EIF2AK1: variants seen among roughly 807,000 people sequenced by gnomAD.
The protein encoded by EIF2AK1 is eukaryotic translation initiation factor 2-alpha kinase 1.
Under a neutral mutation model 77.9 loss-of-function variants are expected in EIF2AK1, and 54 were observed. That is an observed-to-expected ratio of 0.69 (90% CI 0.56 to 0.87). The LOEUF (loss-of-function observed/expected upper bound fraction) is 0.87, where lower values mean the gene tolerates loss of function less well. EIF2AK1 is among the 40% of genes least tolerant of loss of function. EIF2AK1 has a pLI of 0.00. For synonymous variants in EIF2AK1, 314 were observed against 290.5 expected, an observed-to-expected ratio of 1.08 and a Z score of -0.82; for missense variants, 810 against 768.6, an observed-to-expected ratio of 1.05 and a Z score of -0.64.
intron 2 of EIF2AK1, among the ~76,000 whole-genome samples, chr7:6,051,875 A>G (rs1484326138): frequency 1.3e-5 from 2 of 152,180 alleles, no homozygotes; most frequent in East Asian, 3.9e-4. Context: ...ACCTTGTTTT[A>G]AACTTCAGTC....
rs913091326 is a variant in EIF2AK1 at position 6,045,944 on chromosome 7, C to A, written c.630+127G>T. 6 of 550,798 alleles carry A rather than the reference C, an allele frequency of 1.1e-5. No individual in the cohort carries two copies. The Admixed American group carries it at 2.4e-4, about 22-fold the overall frequency. 34.1% of individuals were successfully genotyped at this position (550,798 alleles called of 1,614,324 possible). On this transcript the variant is annotated intron_variant, in intron 6 of 14. Coordinates refer to ENST00000199389, the MANE Select transcript of EIF2AK1 (RefSeq NM_014413.4). ...TTTAATTTTGGTACTTTACTATAAC[C>A]CCATTCCTAGTAAACTGGAAATCCA...
chr7:6,039,724 C>T (rs909784812), intron 9 of EIF2AK1, among the ~76,000 whole-genome samples: 1 of 150,970 alleles, frequency 6.6e-6, no homozygotes, highest in Non-Finnish European at 1.5e-5. Flanking sequence ...CACCTGAGGT[C>T]AGGACTTTGA....
In EIF2AK1 at chr7:6,023,652, C is replaced by T. The variant is rs4560; in HGVS notation, c.*1021G>A. ...AGAGGTGGATGAGGTCTTGTGAAAA[C>T]CTGGCTCCTTTTAACACGGCCCTCA... On this transcript the variant is annotated 3_prime_UTR_variant, in exon 15 of 15. Coordinates refer to ENST00000199389, the MANE Select transcript of EIF2AK1 (RefSeq NM_014413.4). The T allele has an allele frequency of 0.4, 646,064 of 1,613,692 alleles. 132,474 individuals are homozygous for T. The highest frequency in any genetic ancestry group is 0.47 in the Middle Eastern group (2,822 of 6,062).
intron 1 of EIF2AK1, among the ~76,000 whole-genome samples, chr7:6,058,751 G>A (rs1362407713): frequency 6.6e-6 from 1 of 152,214 alleles, no homozygotes; most frequent in Non-Finnish European, 1.5e-5. Context: ...GTAAACAAAG[G>A]AGGGAGAGGC....
chr7:6,059,088 G>A lies in EIF2AK1; in HGVS notation c.-5C>T, dbSNP rs760057095. 7.2e-6 allele frequency: 10 copies of A among 1,381,806 alleles called. No homozygotes were observed. Among genetic ancestry groups the A allele is most frequent in the Non-Finnish European group, 8.4e-6 (9 of 1,075,314 alleles). 85.6% of individuals were successfully genotyped at this position (1,381,806 alleles called of 1,614,324 possible). Reference sequence around the variant, plus strand: ...CCCGGAGTTGCCCCCCTGCATCGCCGGCCGCGCGCGGGCCGCAGCCCAGCC... The same window carrying A: ...CCCGGAGTTGCCCCCCTGCATCGCCAGCCGCGCGCGGGCCGCAGCCCAGCC... On this transcript the variant is annotated 5_prime_UTR_variant, in exon 1 of 15. Coordinates refer to ENST00000199389, the MANE Select transcript of EIF2AK1 (RefSeq NM_014413.4).
In EIF2AK1 at chr7:6,047,108, A is replaced by C. The variant is rs150560907; in HGVS notation, c.450-17T>G. ...TCCCTTGATCTGAAAGTTAAATACAAACAATCAATATTAAAACATGAGAGA... is the reference window on the plus strand; with the variant it reads ...TCCCTTGATCTGAAAGTTAAATACACACAATCAATATTAAAACATGAGAGA... On this transcript the variant is annotated splice_polypyrimidine_tract_variant and intron_variant, in intron 4 of 14. Coordinates refer to ENST00000199389, the MANE Select transcript of EIF2AK1 (RefSeq NM_014413.4). 6.3e-7 allele frequency: 1 copy of C among 1,596,070 alleles called. No individual in the cohort carries two copies. Among genetic ancestry groups the C allele is most frequent in the Non-Finnish European group, 8.6e-7 (1 of 1,164,454 alleles).
chr7:6,043,095 A>G, intron 7 of EIF2AK1, 102 bp from the exon 8 acceptor site: 1 of 1,179,504 alleles, frequency 8.5e-7, no homozygotes, highest in African/African-American at 1.5e-5. Flanking sequence ...TGAGACTACA[A>G]GTCTAAAAAT....
Position 6,035,304 on chromosome 7 carries a change from G to A in EIF2AK1, c.1332+2120C>T, listed in dbSNP as rs187793586. 1.9e-5 allele frequency: 16 copies of A among 860,460 alleles called. No homozygotes were observed. Among genetic ancestry groups the A allele is most frequent in the African/African-American group, 3.4e-5 (2 of 58,590 alleles). 53.3% of individuals were successfully genotyped at this position (860,460 alleles called of 1,614,324 possible). On this transcript the variant is annotated intron_variant, in intron 11 of 14. Transcript: ENST00000199389. This position sits in a 1 kb window ranked among gnomAD's most constrained non-coding sequence, Gnocchi z 5.5. ...GGGATAGCCTGAGAAACTACCCAGC[G>A]ATACAGATTTTGAAACACGTCCTTA... is the stretch of plus-strand genomic sequence containing the variant.
intron 2 of EIF2AK1, among the ~76,000 whole-genome samples, chr7:6,050,696 G>A (rs764840412): frequency 2.7e-5 from 4 of 149,036 alleles, no homozygotes; most frequent in East Asian, 4.0e-4. Context: ...TCTGCCTCCC[G>A]GGTTCATGCC....
At position 6,059,162 on chromosome 7, in the gene EIF2AK1, T is replaced by C; in HGVS notation, c.-79A>G. The stretch of plus-strand genomic sequence containing the variant: ...CACTCCGATGCTGCAGCTAGCGCCG[T>C]CCGACCCGGAAGTAACCCCTCACCA... On this transcript the variant is annotated 5_prime_UTR_variant, in exon 1 of 15. Transcript: ENST00000199389. The C allele has an allele frequency of 9.7e-7, 1 of 1,026,738 alleles. No individual in the cohort carries two copies. The highest frequency in any genetic ancestry group is 2.3e-5 in the South Asian group (1 of 42,926). 63.6% of individuals were successfully genotyped at this position (1,026,738 alleles called of 1,614,324 possible).
chr7:6,030,290 TA>T (rs759518832), intron 11 of EIF2AK1, among the ~76,000 whole-genome samples: 1 of 152,140 alleles, frequency 6.6e-6, no homozygotes, highest in Non-Finnish European at 1.5e-5. Context: ...GGGAAGATCG[TA>T]ACCCTGTAGT....
intron 13 of EIF2AK1, chr7:6,028,117 G>T (rs1049158157): frequency 5.8e-6 from 2 of 345,930 alleles, no homozygotes; most frequent in Non-Finnish European, 1.1e-5. Flanking sequence ...TTTTGAAATG[G>T]TAAAGTAGGC....
chr7:6,044,759 A>T, intron 6 of EIF2AK1, 98 bp from the exon 7 acceptor site: 2 of 983,120 alleles, frequency 2.0e-6, no homozygotes, highest in Non-Finnish European at 3.1e-6. Context: ...ATGGCCCCTG[A>T]CTTACAATGG....
In EIF2AK1 at chr7:6,026,752, A is replaced by C. The variant is rs1562739821; in HGVS notation, c.1740T>G (p.Ser580Arg). The C allele has an allele frequency of 1.2e-6, 2 of 1,614,152 alleles. No homozygotes were observed. The highest frequency in any genetic ancestry group is 1.7e-5 in the Admixed American group (1 of 60,024). Residue 580 changes from serine (S) to arginine (R), a missense_variant, in exon 14 of 15, where the codon AGT (serine) becomes AGG (arginine). Physicochemically the swap from Ser to Arg is moderately radical, Grantham distance 110 (BLOSUM62 -1). Around this residue, in one of 3 missense-constraint regions of EIF2AK1, gnomAD observed 549 missense variants for 533.7 expected, o/e 1.03. Transcript: ENST00000199389. ...CATTTCCAGAATTTTGGAAAAGTTC[A>C]CTCTGCAGCAGCTGAATGGCAGATG... The part of the protein sequence containing the change: ...QRPSAIQLLQ[S>R]ELFQNSGNVN...
At chr7:6,029,163 C>T in intron 11 of EIF2AK1, 131 bp from the exon 12 acceptor site, 1 of 731,882 alleles carries the variant, frequency 1.4e-6, no homozygotes, top group South Asian at 1.7e-5. Context: ...AGGAATAGTT[C>T]CCAAATTTGC....
intron 2 of EIF2AK1, among the ~76,000 whole-genome samples, chr7:6,052,803 T>G (rs1336908432): frequency 6.6e-6 from 1 of 151,656 alleles, no homozygotes; most frequent in Non-Finnish European, 1.5e-5. Context: ...CCGTCTCTAT[T>G]AAAAATACAA....
At chr7:6,042,396 A>G (rs1788323757) in intron 8 of EIF2AK1, among the ~76,000 whole-genome samples, 1 of 151,466 alleles carries the variant, frequency 6.6e-6, no homozygotes, top group Non-Finnish European at 1.5e-5. Flanking sequence ...GGTTGCAGTG[A>G]GCTGAGATCA....
At chr7:6,040,856 C>T (rs1422851408) in intron 9 of EIF2AK1, 36 bp downstream of exon 9, 5 of 1,567,932 alleles carry the variant, frequency 3.2e-6, no homozygotes, top group Non-Finnish European at 4.4e-6. Context: ...GTCACCAATA[C>T]TGGCCAAATT....
intron 13 of EIF2AK1, chr7:6,028,062 CA>C: frequency 5.5e-6 from 2 of 365,324 alleles, no homozygotes; most frequent in Non-Finnish European, 5.4e-6. Context: ...GACCCTGTCT[CA>C]AAAACAACAA....
Sources: allele counts gnomAD v4.1 joint callset (sites outside exome capture counted in the v4.1 genomes callset), GRCh38; gene constraint gnomAD v4.1.1; regional missense constraint gnomAD v4.1.1; non-coding constraint Gnocchi (gnomAD v3.1); transcripts MANE v1.5; gene names NCBI Gene and HGNC (gene_info 2026-07-23, HGNC 2026-07-21).